SMAD3: variants seen among roughly 807,000 people sequenced by gnomAD.
SMAD3 encodes the protein MAD homolog 3.
In SMAD3, 12 loss-of-function variants were observed where a neutral mutation model predicts 51.8. The ratio of observed to expected loss-of-function variants is 0.23; its 90% CI spans 0.15 to 0.38. The LOEUF (loss-of-function observed/expected upper bound fraction) is 0.38, where lower values mean the gene tolerates loss of function less well. Ranked by LOEUF, SMAD3 falls within the 10% of genes least tolerant of loss-of-function variation. The pLI is 1.00. For missense variants in SMAD3, 294 were observed against 565.6 expected (o/e 0.52, Z 4.87); for synonymous variants, 238 against 227.7 (o/e 1.05, Z -0.41).
In SMAD3 at chr15:67,194,243, T is replaced by A. The variant is rs2140334197; in HGVS notation, c.*3707T>A. 4.3e-6 allele frequency: 1 copy of A among 233,452 alleles called. No individual in the cohort carries two copies. Among genetic ancestry groups the A allele is most frequent in the East Asian group, 6.0e-5 (1 of 16,734 alleles). The allele number at this position is 233,452 out of a possible 1,614,324, so 14.5% of individuals were successfully genotyped here. On this transcript the variant is annotated 3_prime_UTR_variant, in exon 9 of 9. Coordinates refer to ENST00000327367, the MANE Select transcript of SMAD3 (RefSeq NM_005902.4). ...AAAGATGTTCCCTTGTAGGCCCCTT[T>A]CAGGTAACCGTCTTCACAATGTATT... is the stretch of plus-strand genomic sequence containing the variant.
chr15:67,081,919 G>T (rs1960287942), intron 1 of SMAD3, among the ~76,000 whole-genome samples: 1 of 152,006 alleles, frequency 6.6e-6, no homozygotes, highest in African/African-American at 2.4e-5. Context: ...TAGGTGCTTA[G>T]TAAATTTTAT....
At chr15:67,184,052 A>G (rs1434228492) in intron 6 of SMAD3, among the ~76,000 whole-genome samples, 2 of 151,728 alleles carry the variant, frequency 1.3e-5, no homozygotes, top group Non-Finnish European at 2.9e-5. Context: ...CCAGGCACTT[A>G]CTGTGTGTCT....
chr15:67,153,144 C>A (rs1279029236), intron 1 of SMAD3, among the ~76,000 whole-genome samples: 6 of 152,088 alleles, frequency 3.9e-5, no homozygotes, highest in African/African-American at 9.7e-5. Flanking sequence ...ATCCCTTTAT[C>A]CAGTGAGTTA....
At chr15:67,156,178 C>T (rs193023145) in intron 1 of SMAD3, among the ~76,000 whole-genome samples, 1 of 152,188 alleles carries the variant, frequency 6.6e-6, no homozygotes, top group African/African-American at 2.4e-5. Context: ...TCATTGGCAA[C>T]CCCAAGATCT....
intron 1 of SMAD3, among the ~76,000 whole-genome samples, chr15:67,134,622 AGCCCCT>A (rs1961609107): frequency 6.6e-6 from 1 of 152,176 alleles, no homozygotes; most frequent in African/African-American, 2.4e-5. Context: ...GACCCATCCC[AGCCCCT>A]TGGGCTTTCT....
chr15:67,140,085 G>A (rs1055510659), intron 1 of SMAD3, among the ~76,000 whole-genome samples: 28 of 151,596 alleles, frequency 1.8e-4, no homozygotes, highest in African/African-American at 6.8e-4. Context: ...TGGCACCATT[G>A]CATCCTAGCC....
intron 1 of SMAD3, among the ~76,000 whole-genome samples, chr15:67,098,196 T>C (rs1960656340): frequency 6.6e-6 from 1 of 152,124 alleles, no homozygotes; most frequent in Non-Finnish European, 1.5e-5. Context: ...ACTACTGTCC[T>C]GAGAGACTCC....
chr15:67,120,123 G>A (rs1240120049), intron 1 of SMAD3, among the ~76,000 whole-genome samples: 1 of 152,148 alleles, frequency 6.6e-6, no homozygotes, highest in East Asian at 1.9e-4. Flanking sequence ...TAAGCCTCTT[G>A]CAACTCACTA....
chr15:67,181,198 C>T lies in SMAD3; in HGVS notation c.659-43C>T, dbSNP rs766612800. 22 of 1,498,066 alleles carry T rather than the reference C, an allele frequency of 1.5e-5. No individual in the cohort carries two copies. The East Asian group carries it at 4.1e-4, about 28-fold the overall frequency. 92.8% of individuals were successfully genotyped at this position (1,498,066 alleles called of 1,614,324 possible). A position where few individuals can be genotyped will look rare whatever the true frequency, so the allele number is the denominator to read the frequency against. On this transcript the variant is annotated intron_variant, in intron 5 of 8. Transcript: ENST00000327367. ...GGGACCCCATCGAGGGAGCATGGGG[C>T]TTGGGACACCCAATGACCCAGTAGC...
intron 1 of SMAD3, among the ~76,000 whole-genome samples, chr15:67,144,002 G>A (rs4401001): frequency 1 from 151,877 of 151,934 alleles, 75,910 homozygotes; most frequent in Non-Finnish European, 1. Flanking sequence ...GTATTGAGGT[G>A]TAATATGCAA....
At chr15:67,115,838 A>G (rs1961122911) in intron 1 of SMAD3, among the ~76,000 whole-genome samples, 1 of 152,246 alleles carries the variant, frequency 6.6e-6, no homozygotes, top group South Asian at 2.1e-4. Flanking sequence ...TGAGAAGTCC[A>G]GGGAGCCTGA....
intron 1 of SMAD3, among the ~76,000 whole-genome samples, chr15:67,148,600 T>C (rs1389854582): frequency 6.6e-6 from 1 of 152,216 alleles, no homozygotes; most frequent in Non-Finnish European, 1.5e-5. Flanking sequence ...CCTGTGGCTG[T>C]CATTCCCCTG....
Position 67,176,997 on chromosome 15 carries a change from C to T in SMAD3, c.659-4244C>T, listed in dbSNP as rs1470003. Reference sequence around the variant, plus strand: ...TTCAATGGGGTGTGTCACCTTACCCCCCGTAGTCATTCTCCTAGAGGAGCC... The same window carrying T: ...TTCAATGGGGTGTGTCACCTTACCCTCCGTAGTCATTCTCCTAGAGGAGCC... On this transcript the variant is annotated intron_variant, in intron 5 of 8. Transcript: ENST00000327367. 3.3e-5 allele frequency among the ~76,000 whole-genome samples: 5 copies of T among 152,064 alleles called. No individual in the cohort carries two copies. The South Asian group carries it at 1.0e-3, about 31-fold the overall frequency.
At chr15:67,111,844 A>C (rs1009390659) in intron 1 of SMAD3, among the ~76,000 whole-genome samples, 4 of 152,064 alleles carry the variant, frequency 2.6e-5, no homozygotes, top group African/African-American at 9.7e-5. Flanking sequence ...CTGGAGTGCA[A>C]TGGTGCCATC....
chr15:67,172,145 T>A (rs568661439), intron 5 of SMAD3, among the ~76,000 whole-genome samples: 1 of 152,264 alleles, frequency 6.6e-6, no homozygotes, highest in Non-Finnish European at 1.5e-5. Context: ...AGGATGAGGA[T>A]GATGGGATGT....
chr15:67,111,258 G>C (rs963943041), intron 1 of SMAD3, among the ~76,000 whole-genome samples: 1 of 152,156 alleles, frequency 6.6e-6, no homozygotes, highest in African/African-American at 2.4e-5. Flanking sequence ...GTGGACTTTT[G>C]TGTTTGACTT....
At chr15:67,171,283 T>G (rs145979570) in intron 5 of SMAD3, among the ~76,000 whole-genome samples, 2 of 152,360 alleles carry the variant, frequency 1.3e-5, no homozygotes, top group Non-Finnish European at 2.9e-5. Context: ...TATCTCATGA[T>G]GTTTTGGAGT....
chr15:67,094,690 C>T (rs1960578714), intron 1 of SMAD3, among the ~76,000 whole-genome samples: 1 of 152,210 alleles, frequency 6.6e-6, no homozygotes, highest in African/African-American at 2.4e-5. Context: ...ATGCGTGGGG[C>T]TGCACTGATG....
chr15:67,085,179 C>G (rs1452401530), intron 1 of SMAD3, among the ~76,000 whole-genome samples: 1 of 152,178 alleles, frequency 6.6e-6, no homozygotes, highest in Non-Finnish European at 1.5e-5. Flanking sequence ...AAGCATACGG[C>G]TCAGTAAACA....
Sources: gnomAD v4.1 joint callset for allele counts (sites outside exome capture counted in the v4.1 genomes callset) on GRCh38, gnomAD v4.1.1 for gene constraint, MANE v1.5 for transcripts, NCBI Gene and HGNC (gene_info 2026-07-23, HGNC 2026-07-21) for gene names.